Variants in ZGRF1 observed in about 807,000 individuals in gnomAD.
ZGRF1 encodes 5'-3' DNA helicase ZGRF1.
In ZGRF1, 196 loss-of-function variants were observed where a neutral mutation model predicts 203.5. The ratio of observed to expected loss-of-function variants is 0.96; its 90% CI spans 0.86 to 1.08. The LOEUF is 1.08. ZGRF1 is among the 50% of genes least tolerant of loss of function. The probability of loss-of-function intolerance (pLI) is 0.00; values close to 1 mark genes in which losing one functional copy is unlikely to be tolerated. For synonymous variants in ZGRF1, 809 were observed against 841.3 expected, an observed-to-expected ratio of 0.96 and a Z score of 0.66; for missense variants, 2,326 against 2,416.3, an observed-to-expected ratio of 0.96 and a Z score of 0.78.
At position 112,571,667 on chromosome 4, in the gene ZGRF1, G is replaced by A. The variant is rs181336327; in HGVS notation, c.4439-8393C>T. Among the ~76,000 whole-genome samples, 16 of 152,192 alleles carry A rather than the reference G, an allele frequency of 1.1e-4. No homozygotes were observed. The East Asian group carries it at 1.2e-3, about 11-fold the overall frequency. ...CCCAAAGTGTCGGGATTACAGGCGT[G>A]AGCCACCATGCTCAGCCCTAAATCT... On this transcript the variant is annotated intron_variant, in intron 16 of 27. Coordinates refer to ENST00000505019, the MANE Select transcript of ZGRF1 (RefSeq NM_018392.5).
chr4:112,565,372 T>A (rs1309648167), intron 16 of ZGRF1: 58 of 1,023,740 alleles, frequency 5.7e-5, no homozygotes, highest in Non-Finnish European at 8.3e-5. Context: ...CCAGCTAGCA[T>A]GCCACATACG....
In ZGRF1 at chr4:112,587,688, G is replaced by GA; in HGVS notation, c.3368dup (p.Ser1124LeufsTer2). On this transcript the variant is annotated frameshift_variant, in exon 12 of 28. Coordinates refer to ENST00000505019, the MANE Select transcript of ZGRF1 (RefSeq NM_018392.5). LOFTEE classifies it high-confidence loss of function. ...GATTCACTTCCCTAGATTCTTCAGA[G>GA]AAAAAGGTTTCATTTTGGTCCTCAG... 1 of 1,610,582 alleles carries GA rather than the reference G, an allele frequency of 6.2e-7. No individual in the cohort carries two copies. Among genetic ancestry groups the GA allele is most frequent in the Non-Finnish European group, 8.5e-7 (1 of 1,178,058 alleles).
intron 6 of ZGRF1, among the ~76,000 whole-genome samples, chr4:112,614,924 A>AAAC (rs2046816949): frequency 6.6e-6 from 1 of 151,932 alleles, no homozygotes; most frequent in South Asian, 2.1e-4. Flanking sequence ...TGTTAGGTAC[A>AAAC]TTTTTTATAG....
intron 22 of ZGRF1, among the ~76,000 whole-genome samples, chr4:112,552,741 C>T (rs186616515): frequency 5.4e-4 from 83 of 152,300 alleles, no homozygotes; most frequent in Non-Finnish European, 1.0e-3. Flanking sequence ...AGTATTATTA[C>T]ATATCCACAC....
In ZGRF1 at chr4:112,611,248, C is replaced by T. The variant is rs185256235; in HGVS notation, c.2667+1276G>A. ...TGAAACTCCATCTCTACTAAAAATA[C>T]AAAAATTAGCTGGGTGTGGTGGCAC... On this transcript the variant is annotated intron_variant, in intron 7 of 27. Transcript: ENST00000505019. Among the ~76,000 whole-genome samples, 808 of 152,026 alleles carry T rather than the reference C, an allele frequency of 5.3e-3. 11 individuals are homozygous for T. The highest frequency in any genetic ancestry group is 0.018 in the African/African-American group (758 of 41,478).
intron 16 of ZGRF1, among the ~76,000 whole-genome samples, chr4:112,565,699 T>A (rs6533628): frequency 1.3e-5 from 2 of 151,900 alleles, no homozygotes; most frequent in African/African-American, 4.8e-5. Flanking sequence ...CATGAACAGA[T>A]GCTTCTCAAA....
At chr4:112,624,047 GTC>G (rs1354978952) in intron 3 of ZGRF1, 171 bp from the exon 4 acceptor site, 2 of 554,498 alleles carry the variant, frequency 3.6e-6, no homozygotes, top group Non-Finnish European at 6.5e-6. Flanking sequence ...TTATGCATCA[GTC>G]TGTTTAAGAG....
Position 112,539,685 on chromosome 4 carries a change from C to G in ZGRF1, c.6177G>C (p.Arg2059Ser). The G allele has an allele frequency of 6.3e-7, 1 of 1,591,642 alleles. No homozygotes were observed. Among genetic ancestry groups the G allele is most frequent in the Non-Finnish European group, 8.5e-7 (1 of 1,171,992 alleles). Residue 2059 changes from arginine to serine, a missense_variant, in exon 28 of 28, where the codon AGG (arginine) becomes AGC (serine). Coordinates refer to ENST00000505019, the MANE Select transcript of ZGRF1 (RefSeq NM_018392.5). ...GGTTTGCATGTTGCAATCCATCTTC[C>G]CTTCCTTAAAAAAACATACGACATG... ...WGRVIQHCEG[R>S]EDGLQHANQY...
chr4:112,608,061 T>G (rs1227777196), intron 8 of ZGRF1: 5 of 152,244 alleles, frequency 3.3e-5, no homozygotes, highest in African/African-American at 9.6e-5. Flanking sequence ...TACTGTGAGA[T>G]GACAGCATAT....
At chr4:112,633,433 C>A (rs576936368) in intron 1 of ZGRF1, among the ~76,000 whole-genome samples, 191 bp from the exon 2 acceptor site, 10 of 152,266 alleles carry the variant, frequency 6.6e-5, no homozygotes, top group Non-Finnish European at 1.3e-4. Flanking sequence ...GTGAAACAAG[C>A]ATTTTTTCAT....
intron 10 of ZGRF1, among the ~76,000 whole-genome samples, chr4:112,594,542 T>A (rs551812338): frequency 4.7e-4 from 70 of 148,400 alleles, no homozygotes; most frequent in Non-Finnish European, 3.9e-4. Flanking sequence ...AACCTCCACC[T>A]CCCAGGTTCA....
intron 3 of ZGRF1, among the ~76,000 whole-genome samples, chr4:112,626,011 A>T (rs1033888971): frequency 1.2e-4 from 18 of 152,210 alleles, no homozygotes; most frequent in Admixed American, 1.2e-3. Flanking sequence ...ACAAAAGACT[A>T]CTTATTATAT....
intron 6 of ZGRF1, among the ~76,000 whole-genome samples, chr4:112,614,459 A>C (rs1472954344): frequency 6.6e-6 from 1 of 152,180 alleles, no homozygotes; most frequent in Admixed American, 6.5e-5. Flanking sequence ...TGTTGTAAAC[A>C]ATTATCTTTT....
chr4:112,596,935 C>T (rs186947873), intron 10 of ZGRF1, among the ~76,000 whole-genome samples: 39 of 152,068 alleles, frequency 2.6e-4, no homozygotes, highest in Non-Finnish European at 4.3e-4. Context: ...GTTTCTGTGC[C>T]GGGCACAGCA....
chr4:112,548,156 G>A, intron 23 of ZGRF1, 97 bp downstream of exon 23: 4 of 1,083,246 alleles, frequency 3.7e-6, no homozygotes. Context: ...GTCCAAGCTG[G>A]TCGCAAACTC....
intron 23 of ZGRF1, among the ~76,000 whole-genome samples, 187 bp from the exon 24 acceptor site, chr4:112,547,595 T>G (rs888709748): frequency 1.3e-5 from 2 of 152,350 alleles, no homozygotes; most frequent in Middle Eastern, 3.4e-3. Flanking sequence ...TAAAGAATCC[T>G]TTATATAATT....
intron 10 of ZGRF1, among the ~76,000 whole-genome samples, chr4:112,602,229 C>G (rs1026951635): frequency 4.6e-5 from 7 of 151,570 alleles, no homozygotes; most frequent in Non-Finnish European, 7.4e-5. Flanking sequence ...GAAAGCTGAA[C>G]AGGCACTACA....
At chr4:112,573,366 C>T (rs1744562887) in intron 16 of ZGRF1, among the ~76,000 whole-genome samples, 1 of 151,774 alleles carries the variant, frequency 6.6e-6, no homozygotes, top group Non-Finnish European at 1.5e-5. Flanking sequence ...GGTACAAAGG[C>T]ATAATAATAA....
chr4:112,624,966 T>C (rs75779589), intron 3 of ZGRF1, among the ~76,000 whole-genome samples: 4,269 of 152,228 alleles, frequency 0.028, 94 homozygotes, highest in Middle Eastern at 0.092. Flanking sequence ...ATCAACTGTA[T>C]TATGAATGGA....
Sources: allele counts gnomAD v4.1 joint callset (sites outside exome capture counted in the v4.1 genomes callset), GRCh38; gene constraint gnomAD v4.1.1; transcripts MANE v1.5; gene names NCBI Gene and HGNC (gene_info 2026-07-23, HGNC 2026-07-21).